REST: variants seen among roughly 807,000 people sequenced by gnomAD.
REST encodes RE1 silencing transcription factor, also known as RE1-silencing transcription factor.
Under a neutral mutation model 30.4 loss-of-function variants are expected in REST, and 1 was observed. That is an observed-to-expected ratio of 0.03 (90% confidence interval 0.01 to 0.16). The LOEUF (loss-of-function observed/expected upper bound fraction) is 0.16, where lower values mean the gene tolerates loss of function less well. Ranked by LOEUF, REST falls within the 10% of genes least tolerant of loss-of-function variation. REST has a pLI of 1.00. For missense variants in REST, 1,259 were observed against 1,329.5 expected (o/e 0.95, Z 0.82); for synonymous variants, 504 against 451.1 (o/e 1.12, Z -1.49).
intron 3 of REST, among the ~76,000 whole-genome samples, chr4:56,924,506 CAG>C (rs1334602982): frequency 2.6e-5 from 4 of 152,140 alleles, no homozygotes; most frequent in African/African-American, 9.7e-5. Context: ...CTCTGTCACT[CAG>C]GGTGGAGTGC....
chr4:56,910,578 G>GTT, intron 1 of REST, 52 bp from the exon 2 acceptor site: 1 of 1,453,600 alleles, frequency 6.9e-7, no homozygotes, highest in South Asian at 1.3e-5. Context: ...TTTTAAGCCA[G>GTT]TAACAGTAGT....
rs141629959 is a variant in REST, at chr4:56,920,921, A to G, written c.982+1051A>G. Among the ~76,000 whole-genome samples the G allele has an allele frequency of 5.0e-3, 761 of 152,154 alleles. 7 individuals are homozygous for G. Among genetic ancestry groups the G allele is most frequent in the African/African-American group, 0.017 (717 of 41,504 alleles). On this transcript the variant is annotated intron_variant, in intron 3 of 3. Transcript: ENST00000309042. ...TGCTCTGTCGTCTAGGCTGGAGTGC[A>G]GTAGTGCGATCTCAGCTCACCGCAA...
chr4:56,915,058 G>A (rs1720124997), intron 2 of REST, among the ~76,000 whole-genome samples: 1 of 150,950 alleles, frequency 6.6e-6, no homozygotes, highest in Non-Finnish European at 1.5e-5. Flanking sequence ...CTGAGTAGCT[G>A]GGATTCCAGG....
In REST at chr4:56,931,116, T is replaced by C; in HGVS notation, c.2258T>C (p.Met753Thr). Reference sequence around the variant, plus strand: ...GTTCAGATAGAGCTGTCTCCTCCCATGGAGGTGGTCCAGAAGGAACCTGTT... The same window carrying C: ...GTTCAGATAGAGCTGTCTCCTCCCACGGAGGTGGTCCAGAAGGAACCTGTT... ...EPVQIELSPPMEVVQKEPVKI... is the reference protein window; with the variant it reads ...EPVQIELSPPTEVVQKEPVKI... The change falls in exon 4 of 4, where the codon ATG becomes ACG. Residue 753 changes from methionine to threonine, a missense_variant. Physicochemically the swap from Met to Thr is moderately conservative, Grantham distance 81. Coordinates refer to ENST00000309042, the MANE Select transcript of REST (RefSeq NM_005612.5). 1 of 1,599,514 alleles carries C rather than the reference T, an allele frequency of 6.3e-7. No homozygotes were observed. Among genetic ancestry groups the C allele is most frequent in the East Asian group, 2.3e-5 (1 of 44,198 alleles).
At chr4:56,917,762 G>T (rs994105071) in intron 2 of REST, among the ~76,000 whole-genome samples, 1 of 151,992 alleles carries the variant, frequency 6.6e-6, no homozygotes, top group Non-Finnish European at 1.5e-5. Flanking sequence ...TTTTTTAAAA[G>T]CTTGTTTTGC....
In REST at chr4:56,930,655, A is replaced by G. The variant is rs1253721859; in HGVS notation, c.1797A>G (p.Glu599=). Residue 599 remains glutamate, a synonymous_variant, in exon 4 of 4, where the codon GAA becomes GAG. Coordinates refer to ENST00000309042, the MANE Select transcript of REST (RefSeq NM_005612.5). Reference sequence around the variant, plus strand: ...AAAGCAGTAAGCCTCCTCAGAAGGAACCTGTTGAGAAGGGATCTGCTCAGA... The same window carrying G: ...AAAGCAGTAAGCCTCCTCAGAAGGAGCCTGTTGAGAAGGGATCTGCTCAGA... ...SKKSSKPPQK[E]PVEKGSAQMD... is the part of the protein sequence containing the mutation. 1 of 1,613,664 alleles carries G rather than the reference A, an allele frequency of 6.2e-7. No homozygotes were observed. Among genetic ancestry groups the G allele is most frequent in the African/African-American group, 1.3e-5 (1 of 74,940 alleles).
chr4:56,933,447 A>AAGGT lies in REST; in HGVS notation c.*1298_*1301dup, dbSNP rs1328198047. Reference sequence around the variant, plus strand: ...ATTACGCGGCAAACCTAGGATAAGAAAGGTAGTATGAGTGCTGGTAGACCA... The same window carrying AAGGT: ...ATTACGCGGCAAACCTAGGATAAGAAAGGTAGGTAGTATGAGTGCTGGTAGACCA... On this transcript the variant is annotated 3_prime_UTR_variant, in exon 4 of 4. Coordinates refer to ENST00000309042, the MANE Select transcript of REST (RefSeq NM_005612.5). 6.6e-6 allele frequency: 1 copy of AAGGT among 152,226 alleles called. No individual in the cohort carries two copies. The highest frequency in any genetic ancestry group is 1.5e-5 in the Non-Finnish European group (1 of 68,034). The allele number at this position is 152,226 out of a possible 1,614,324, so 9.4% of individuals were successfully genotyped here.
Position 56,932,296 on chromosome 4 carries a change from T to G in REST, c.*144T>G. 1.2e-6 allele frequency: 1 copy of G among 848,230 alleles called. No individual in the cohort carries two copies. The highest frequency in any genetic ancestry group is 3.0e-5 in the Admixed American group (1 of 33,646). The allele number at this position is 848,230 out of a possible 1,614,324, so 52.5% of individuals were successfully genotyped here. On this transcript the variant is annotated 3_prime_UTR_variant, in exon 4 of 4. Coordinates refer to ENST00000309042, the MANE Select transcript of REST (RefSeq NM_005612.5). The stretch of plus-strand genomic sequence containing the variant: ...AGTGGCATTCTTTTCCTTAGGACTT[T>G]TTATGTATACCTGTTGATTGTTGTG...
At chr4:56,909,953 G>A (rs1383690980) in intron 1 of REST, among the ~76,000 whole-genome samples, 1 of 152,214 alleles carries the variant, frequency 6.6e-6, no homozygotes, top group African/African-American at 2.4e-5. Flanking sequence ...TTTTATTTGT[G>A]AAGTTTTGAA....
intron 2 of REST, among the ~76,000 whole-genome samples, chr4:56,916,649 TAATA>T (rs1278940939): frequency 6.6e-6 from 1 of 152,136 alleles, no homozygotes; most frequent in Non-Finnish European, 1.5e-5. Context: ...AAAAAAATAA[TAATA>T]AAATAAAAGA....
Position 56,911,195 on chromosome 4 carries a change from T to A in REST, c.557T>A (p.Phe186Tyr). The change falls in exon 2 of 4, where the codon TTT (phenylalanine) becomes TAT (tyrosine). Residue 186 changes from phenylalanine to tyrosine, a missense_variant. Transcript: ENST00000309042. ...HHIRVHSAKK[F>Y]FVEESAEKQA... Reference sequence around the variant, plus strand: ...ATCAGAGTTCACAGTGCTAAGAAATTTTTTGTGGAAGAGAGTGCAGAGAAG... The same window carrying A: ...ATCAGAGTTCACAGTGCTAAGAAATATTTTGTGGAAGAGAGTGCAGAGAAG... 1 of 1,614,124 alleles carries A rather than the reference T, an allele frequency of 6.2e-7. No homozygotes were observed. Among genetic ancestry groups the A allele is most frequent in the Non-Finnish European group, 8.5e-7 (1 of 1,180,028 alleles).
chr4:56,930,455 C>T lies in REST; in HGVS notation c.1597C>T (p.Pro533Ser). ...LEVDSHSLHG[P>S]VNDEESSTKK... is the part of the protein sequence containing the mutation. ...AGTTGACAGCCATTCTTTACATGGT[C>T]CTGTGAATGATGAGGAATCTTCAAC... The change falls in exon 4 of 4, where the codon CCT becomes TCT. Residue 533 changes from proline to serine, a missense_variant. This residue lies in a region of REST where 856 missense variants were observed against 772.8 expected (regional missense o/e 1.11). Coordinates refer to ENST00000309042, the MANE Select transcript of REST (RefSeq NM_005612.5). 5 of 1,613,302 alleles carry T rather than the reference C, an allele frequency of 3.1e-6. No homozygotes were observed. The highest frequency in any genetic ancestry group is 4.2e-6 in the Non-Finnish European group (5 of 1,179,906).
intron 3 of REST, among the ~76,000 whole-genome samples, chr4:56,928,846 C>CTTT (rs1233332877): frequency 6.6e-6 from 1 of 151,640 alleles, no homozygotes; most frequent in Non-Finnish European, 1.5e-5. Flanking sequence ...GCCTTGGCCT[C>CTTT]CCAAAGTGCT....
In REST at chr4:56,910,904, A is replaced by T. The variant is rs796154475; in HGVS notation, c.266A>T (p.Glu89Val). ...GATAACAACTTTTCAGATAGTGAAGAAGGAGAAGGACTTGAAGAGTCTGCT... is the reference window on the plus strand; with the variant it reads ...GATAACAACTTTTCAGATAGTGAAGTAGGAGAAGGACTTGAAGAGTCTGCT... ...VGDNNFSDSE[E>V]GEGLEESADI... The change falls in exon 2 of 4, where the codon GAA (glutamate) becomes GTA (valine). Residue 89 changes from glutamate to valine, a missense_variant. Glu to Val is a moderately radical substitution (Grantham distance 121). Transcript: ENST00000309042. 2 of 1,614,086 alleles carry T rather than the reference A, an allele frequency of 1.2e-6. No individual in the cohort carries two copies. The highest frequency in any genetic ancestry group is 1.1e-5 in the South Asian group (1 of 91,090).
In REST at chr4:56,910,817, G is replaced by A; in HGVS notation, c.179G>A (p.Gly60Asp). 3 of 1,614,204 alleles carry A rather than the reference G, an allele frequency of 1.9e-6. No individual in the cohort carries two copies. The highest frequency in any genetic ancestry group is 2.5e-6 in the Non-Finnish European group (3 of 1,180,040). ...GTGGCCTTAACTGGGGAAGTAAATG[G>A]CAGCTGCTGTGATTACCTGGTCGGT... ...ANVALTGEVNGSCCDYLVGEE... is the reference protein window; with the variant it reads ...ANVALTGEVNDSCCDYLVGEE... Residue 60 changes from glycine (G) to aspartate (D), a missense_variant, in exon 2 of 4, where the codon GGC becomes GAC. By Grantham distance (94) the Gly-to-Asp change is moderately conservative. Coordinates refer to ENST00000309042, the MANE Select transcript of REST (RefSeq NM_005612.5).
At position 56,919,883 on chromosome 4, in the gene REST, T is replaced by G; in HGVS notation, c.982+13T>G. Reference sequence around the variant, plus strand: ...CGTACTCATTCAGGTTGGTAAGAAATTGGAACTTTTCTATCATTTTCAGTA... The same window carrying G: ...CGTACTCATTCAGGTTGGTAAGAAAGTGGAACTTTTCTATCATTTTCAGTA... On this transcript the variant is annotated intron_variant, in intron 3 of 3. Transcript: ENST00000309042. 1 of 1,462,680 alleles carries G rather than the reference T, an allele frequency of 6.8e-7. No individual in the cohort carries two copies. The highest frequency in any genetic ancestry group is 9.4e-7 in the Non-Finnish European group (1 of 1,063,096). The allele number at this position is 1,462,680 out of a possible 1,614,324, so 90.6% of individuals were successfully genotyped here. A position where few individuals can be genotyped will look rare whatever the true frequency, so the allele number is the denominator to read the frequency against.
At position 56,932,347 on chromosome 4, in the gene REST, G is replaced by A. The variant is rs145052321; in HGVS notation, c.*195G>A. 509 of 564,076 alleles carry A rather than the reference G, an allele frequency of 9.0e-4. 4 individuals carry two copies. The highest frequency in any genetic ancestry group is 8.8e-3 in the African/African-American group (466 of 52,966). The allele number at this position is 564,076 out of a possible 1,614,324, so 34.9% of individuals were successfully genotyped here. On this transcript the variant is annotated 3_prime_UTR_variant, in exon 4 of 4. Coordinates refer to ENST00000309042, the MANE Select transcript of REST (RefSeq NM_005612.5). ...TAAATTTTAGTAAATCTAAGAGAGT[G>A]TACTAAACCAGCAGGTATCTGTTAG...
chr4:56,910,509 C>T (rs1719843501), intron 1 of REST, 121 bp from the exon 2 acceptor site: 1 of 751,822 alleles, frequency 1.3e-6, no homozygotes, highest in Non-Finnish European at 2.0e-6. Context: ...ATGAAGTTTA[C>T]TGAGTTATAA....
rs545252765 is a variant in REST at position 56,928,392 on chromosome 4, C to T, written c.983-1449C>T. ...AAAGTGCTGGGATTACAGGTGTGAG[C>T]CACCACACCTGGCTGGGAATTTTAT... On this transcript the variant is annotated intron_variant, in intron 3 of 3. Transcript: ENST00000309042. Among the ~76,000 whole-genome samples the T allele has an allele frequency of 2.3e-4, 35 of 152,146 alleles. 1 individual carries two copies. The East Asian group carries it at 6.6e-3, about 29-fold the overall frequency.
Sources: gnomAD v4.1 joint callset for allele counts (sites outside exome capture counted in the v4.1 genomes callset) on GRCh38, gnomAD v4.1.1 for gene constraint, gnomAD v4.1.1 regional missense constraint, MANE v1.5 for transcripts, NCBI Gene and HGNC (gene_info 2026-07-23, HGNC 2026-07-21) for gene names.